XKR4: variants seen among roughly 807,000 people sequenced by gnomAD.
The protein encoded by XKR4 is XK related 4.
Under a neutral mutation model 53.9 loss-of-function variants are expected in XKR4, and 12 were observed. The observed-to-expected ratio is 0.22, with a 90% confidence interval of 0.14 to 0.36. The LOEUF is 0.36. Among genes scored for constraint, XKR4 ranks in the 10% least tolerant of loss-of-function variants. The pLI, the probability that XKR4 is intolerant of heterozygous loss-of-function variation, is 1.00. For missense variants in XKR4, 799 were observed against 859.5 expected, an observed-to-expected ratio of 0.93 and a Z score of 0.88; for synonymous variants, 354 against 362.4, an observed-to-expected ratio of 0.98 and a Z score of 0.26.
chr8:55,338,765 A>T (rs1231554992), intron 1 of XKR4, among the ~76,000 whole-genome samples: 1 of 152,224 alleles, frequency 6.6e-6, no homozygotes, highest in African/African-American at 2.4e-5. Flanking sequence ...GAAGCTCCTC[A>T]ACCAAATTAA....
At chr8:55,424,924 A>G (rs1047942136) in intron 2 of XKR4, among the ~76,000 whole-genome samples, 1 of 152,208 alleles carries the variant, frequency 6.6e-6, no homozygotes, top group Non-Finnish European at 1.5e-5. Context: ...TTTACATTTA[A>G]TTAGCTGCCA....
At chr8:55,172,997 A>C (rs917204493) in intron 1 of XKR4, among the ~76,000 whole-genome samples, 4 of 152,226 alleles carry the variant, frequency 2.6e-5, no homozygotes, top group Non-Finnish European at 5.9e-5. Flanking sequence ...GAAAAATGTC[A>C]GTGTTGCTTG....
intron 1 of XKR4, among the ~76,000 whole-genome samples, chr8:55,200,994 T>C (rs1480541245): frequency 6.6e-6 from 1 of 152,230 alleles, no homozygotes; most frequent in Non-Finnish European, 1.5e-5. Context: ...TACTACTTAT[T>C]TGAGAAGCAT....
intron 2 of XKR4, among the ~76,000 whole-genome samples, chr8:55,512,680 TGAGAGAGGGATG>T (rs1441669547): frequency 6.6e-6 from 1 of 152,082 alleles, no homozygotes; most frequent in Non-Finnish European, 1.5e-5. Flanking sequence ...AGGAAAGAAT[TGAGAGAGGGATG>T]GAGAGAGGAG....
At chr8:55,120,794 T>A (rs1816380410) in intron 1 of XKR4, among the ~76,000 whole-genome samples, 3 of 152,222 alleles carry the variant, frequency 2.0e-5, no homozygotes, top group Admixed American at 2.0e-4. Context: ...ACTTGTATGA[T>A]GACATGTATT....
chr8:55,425,848 C>A (rs1487024215), intron 2 of XKR4, among the ~76,000 whole-genome samples: 2 of 152,192 alleles, frequency 1.3e-5, no homozygotes, highest in African/African-American at 4.8e-5. Flanking sequence ...ATCCACCCTG[C>A]ATGGAGACAT....
chr8:55,413,790 C>T (rs1253346753), intron 2 of XKR4, among the ~76,000 whole-genome samples: 1 of 152,192 alleles, frequency 6.6e-6, no homozygotes, highest in Non-Finnish European at 1.5e-5. Context: ...TCACCGCTTT[C>T]CCCTCCTTCC....
chr8:55,469,442 C>T (rs1403181851), intron 2 of XKR4, among the ~76,000 whole-genome samples: 1 of 151,998 alleles, frequency 6.6e-6, no homozygotes, highest in Non-Finnish European at 1.5e-5. Flanking sequence ...TTTGCCATTT[C>T]CTGCCTTTTA....
intron 1 of XKR4, among the ~76,000 whole-genome samples, chr8:55,125,559 T>C (rs1816454810): frequency 6.6e-6 from 1 of 152,186 alleles, no homozygotes; most frequent in Admixed American, 6.5e-5. Context: ...TTCACAAACA[T>C]TGCCCATTAA....
In XKR4 at chr8:55,536,436, T is replaced by C. The variant is rs914603369; in HGVS notation, c.*12209T>C. Reference sequence around the variant, plus strand: ...AGGAGTTATTAAAAAATAAAGACTGTCCACATGACTGCAAATATCCTGATG... The same window carrying C: ...AGGAGTTATTAAAAAATAAAGACTGCCCACATGACTGCAAATATCCTGATG... On this transcript the variant is annotated 3_prime_UTR_variant, in exon 3 of 3. Coordinates refer to ENST00000327381, the MANE Select transcript of XKR4 (RefSeq NM_052898.2). 6.6e-6 allele frequency: 1 copy of C among 152,186 alleles called. No homozygotes were observed. Among genetic ancestry groups the C allele is most frequent in the Non-Finnish European group, 1.5e-5 (1 of 68,026 alleles). The allele number at this position is 152,186 out of a possible 1,614,324, so 9.4% of individuals were successfully genotyped here.
At chr8:55,430,610 C>T (rs1195241146) in intron 2 of XKR4, among the ~76,000 whole-genome samples, 1 of 152,176 alleles carries the variant, frequency 6.6e-6, no homozygotes, top group East Asian at 1.9e-4. Context: ...CTGTGCTATC[C>T]TACTATAGCT....
At chr8:55,441,814 T>C (rs1369094330) in intron 2 of XKR4, among the ~76,000 whole-genome samples, 1 of 152,020 alleles carries the variant, frequency 6.6e-6, no homozygotes, top group East Asian at 1.9e-4. Context: ...TGAAATGCAA[T>C]AAAAGCATGA....
At chr8:55,385,333 G>T (rs1442332131) in intron 2 of XKR4, among the ~76,000 whole-genome samples, 2 of 152,082 alleles carry the variant, frequency 1.3e-5, no homozygotes, top group Non-Finnish European at 2.9e-5. Flanking sequence ...GTTTCCTGGG[G>T]CTCACCCTGC....
chr8:55,102,404 G>C lies in XKR4; in HGVS notation c.-85G>C. ...GCCGCACCGCCTGGGAGGGAAGCCG[G>C]GGCGAGGCGAGGAGGTGGCGGGAGG... On this transcript the variant is annotated 5_prime_UTR_variant, in exon 1 of 3. Transcript: ENST00000327381. The surrounding 1 kb of genome is among the most constrained non-coding windows in gnomAD (Gnocchi z 5.1). The C allele has an allele frequency of 7.0e-7, 1 of 1,429,344 alleles. No individual in the cohort carries two copies. Among genetic ancestry groups the C allele is most frequent in the Non-Finnish European group, 9.3e-7 (1 of 1,076,524 alleles). 88.5% of individuals were successfully genotyped at this position (1,429,344 alleles called of 1,614,324 possible). A position where few individuals can be genotyped will look rare whatever the true frequency, so the allele number is the denominator to read the frequency against.
At chr8:55,370,077 A>G (rs2129385981) in intron 2 of XKR4, among the ~76,000 whole-genome samples, 1 of 152,306 alleles carries the variant, frequency 6.6e-6, no homozygotes, top group South Asian at 2.1e-4. Flanking sequence ...AAACAACAAC[A>G]ACAACAACAA....
chr8:55,385,846 A>T (rs1804301574), intron 2 of XKR4, among the ~76,000 whole-genome samples: 1 of 152,238 alleles, frequency 6.6e-6, no homozygotes, highest in South Asian at 2.1e-4. Flanking sequence ...TATACCAACA[A>T]AAAGAACACC....
At chr8:55,449,517 C>A in intron 2 of XKR4, 1 of 1,453,416 alleles carries the variant, frequency 6.9e-7, no homozygotes. Context: ...GCTCAGGCGT[C>A]CGACAGTCAG....
intron 1 of XKR4, among the ~76,000 whole-genome samples, chr8:55,342,906 G>C (rs2939631): frequency 0.8 from 121,175 of 152,196 alleles, 48,910 homozygotes; most frequent in African/African-American, 0.91. Flanking sequence ...ATTTGCTGCT[G>C]TATTCCCTCG....
At chr8:55,510,359 G>A (rs1337769540) in intron 2 of XKR4, among the ~76,000 whole-genome samples, 2 of 152,158 alleles carry the variant, frequency 1.3e-5, no homozygotes, top group Non-Finnish European at 2.9e-5. Flanking sequence ...GAAGGACTTG[G>A]TATGTCATTT....
Sources: allele counts gnomAD v4.1 joint callset (sites outside exome capture counted in the v4.1 genomes callset), GRCh38; gene constraint gnomAD v4.1.1; non-coding constraint Gnocchi (gnomAD v3.1); transcripts MANE v1.5; gene names NCBI Gene and HGNC (gene_info 2026-07-23, HGNC 2026-07-21).